The following ZNF385D variants were observed in gnomAD, a reference collection of about 807,000 sequenced individuals.
The protein encoded by ZNF385D is zinc finger protein 659.
A neutral mutation model predicts 35.8 loss-of-function variants in ZNF385D; 15 were observed. The observed-to-expected ratio is 0.42, with a 90% confidence interval of 0.28 to 0.64. The LOEUF is 0.64. Ranked by LOEUF, ZNF385D falls within the 30% of genes least tolerant of loss-of-function variation. The pLI, the probability that ZNF385D is intolerant of heterozygous loss-of-function variation, is 0.23. For missense variants in ZNF385D, 474 were observed against 494.6 expected, an observed-to-expected ratio of 0.96 and a Z score of 0.39; for synonymous variants, 212 against 186.8, an observed-to-expected ratio of 1.13 and a Z score of -1.10.
intron 1 of ZNF385D, among the ~76,000 whole-genome samples, chr3:21,733,036 G>A (rs894388760): frequency 2.0e-5 from 3 of 151,992 alleles, no homozygotes; most frequent in South Asian, 2.1e-4. Context: ...TTACATTTAT[G>A]TGTGTGATCC....
intron 1 of ZNF385D, among the ~76,000 whole-genome samples, chr3:21,726,516 C>A (rs189506348): frequency 7.9e-5 from 12 of 152,124 alleles, no homozygotes; most frequent in Non-Finnish European, 1.3e-4. Context: ...AAATCACAAG[C>A]GTTCCTGTAC....
chr3:21,420,177 T>G lies in ZNF385D; in HGVS notation c.*1037A>C. 6.6e-6 allele frequency: 1 copy of G among 152,166 alleles called. No homozygotes were observed. Among genetic ancestry groups the G allele is most frequent in the Non-Finnish European group, 1.5e-5 (1 of 68,014 alleles). The allele number at this position is 152,166 out of a possible 1,614,324, so 9.4% of individuals were successfully genotyped here. On this transcript the variant is annotated 3_prime_UTR_variant, in exon 8 of 8. Transcript: ENST00000281523. ...TACCATCATACTTAAAGCAGAAACC[T>G]TTGCCTAAGAAACAACCCTACTGGT...
intron 3 of ZNF385D, among the ~76,000 whole-genome samples, chr3:22,128,512 T>C (rs1168066011): frequency 1.3e-5 from 2 of 152,196 alleles, no homozygotes; most frequent in African/African-American, 4.8e-5. Context: ...ATAACTCTTA[T>C]GTTTGCACTT....
intron 3 of ZNF385D, among the ~76,000 whole-genome samples, chr3:22,041,952 G>A (rs967675175): frequency 6.6e-6 from 1 of 152,078 alleles, no homozygotes; most frequent in South Asian, 2.1e-4. Flanking sequence ...AATTATTGGT[G>A]GCTGAATTAA....
intron 3 of ZNF385D, among the ~76,000 whole-genome samples, chr3:22,024,606 A>T (rs1251769234): frequency 6.6e-6 from 1 of 152,202 alleles, no homozygotes; most frequent in Non-Finnish European, 1.5e-5. Flanking sequence ...TCATAATAGT[A>T]TCATTAACTT....
chr3:21,997,893 G>C (rs945899259), intron 3 of ZNF385D, among the ~76,000 whole-genome samples: 1 of 149,954 alleles, frequency 6.7e-6, no homozygotes, highest in Non-Finnish European at 1.5e-5. Flanking sequence ...GTGTGTGTGT[G>C]TGTGTGTGTG....
chr3:21,572,587 A>G (rs2063367156), intron 2 of ZNF385D, among the ~76,000 whole-genome samples: 1 of 152,158 alleles, frequency 6.6e-6, no homozygotes, highest in Non-Finnish European at 1.5e-5. Flanking sequence ...ATATAAAAAC[A>G]GAGTTTCCCC....
chr3:21,697,829 C>T (rs530973481), intron 1 of ZNF385D, among the ~76,000 whole-genome samples: 1 of 152,030 alleles, frequency 6.6e-6, no homozygotes, highest in Non-Finnish European at 1.5e-5. Flanking sequence ...TAAAAGCGAC[C>T]TGAAAACATA....
chr3:21,866,883 C>T (rs1200233078), intron 3 of ZNF385D, among the ~76,000 whole-genome samples: 2 of 152,046 alleles, frequency 1.3e-5, no homozygotes, highest in East Asian at 1.9e-4. Flanking sequence ...AAGATAGGTC[C>T]AAAAATTTCT....
At chr3:21,580,807 G>GTATA (rs71044926) in intron 2 of ZNF385D, among the ~76,000 whole-genome samples, 22 of 150,862 alleles carry the variant, frequency 1.5e-4, no homozygotes, top group African/African-American at 3.2e-4. Context: ...CTATGTGTGT[G>GTATA]TATATATATA....
intron 3 of ZNF385D, among the ~76,000 whole-genome samples, chr3:21,863,872 A>T: frequency 6.6e-6 from 1 of 152,144 alleles, no homozygotes; most frequent in South Asian, 2.1e-4. Flanking sequence ...AAATATGAAC[A>T]TAATGAGTTT....
At chr3:21,854,195 G>T (rs1211821535) in intron 3 of ZNF385D, among the ~76,000 whole-genome samples, 1 of 96,592 alleles carries the variant, frequency 1.0e-5, no homozygotes, top group Non-Finnish European at 2.4e-5. Flanking sequence ...TTCTCATCTT[G>T]GGCCGCTCCA....
chr3:22,046,536 T>G (rs1322657519), intron 3 of ZNF385D, among the ~76,000 whole-genome samples: 2 of 152,204 alleles, frequency 1.3e-5, no homozygotes, highest in East Asian at 1.9e-4. Context: ...GAGCTACCAC[T>G]GAAGAAAAGT....
At chr3:22,342,103 G>A (rs558479347) in intron 2 of ZNF385D, among the ~76,000 whole-genome samples, 39 of 151,806 alleles carry the variant, frequency 2.6e-4, no homozygotes, top group African/African-American at 9.4e-4. Flanking sequence ...GTGAAACCCC[G>A]TCTCTACTAA....
chr3:22,155,155 C>T (rs748419728), intron 3 of ZNF385D, among the ~76,000 whole-genome samples: 8 of 151,990 alleles, frequency 5.3e-5, no homozygotes, highest in Non-Finnish European at 8.8e-5. Context: ...ATAAAAATAT[C>T]ACGTGTACCC....
chr3:21,954,871 AAT>A (rs1702216350), intron 3 of ZNF385D, among the ~76,000 whole-genome samples: 1 of 152,086 alleles, frequency 6.6e-6, no homozygotes, highest in Non-Finnish European at 1.5e-5. Flanking sequence ...GCTTTACAAA[AAT>A]ATGACATAAT....
chr3:21,580,206 C>T (rs1185739117), intron 2 of ZNF385D, among the ~76,000 whole-genome samples: 3 of 152,132 alleles, frequency 2.0e-5, no homozygotes, highest in African/African-American at 4.8e-5. Flanking sequence ...CTGTTTCTTG[C>T]CTGCCCCTGT....
At chr3:22,261,226 T>A (rs1427064315) in intron 2 of ZNF385D, among the ~76,000 whole-genome samples, 1 of 151,790 alleles carries the variant, frequency 6.6e-6, no homozygotes, top group African/African-American at 2.4e-5. Context: ...AGACCAGACC[T>A]CGGGATATAT....
At chr3:22,354,573 TA>T (rs1696063579) in intron 2 of ZNF385D, among the ~76,000 whole-genome samples, 1 of 152,084 alleles carries the variant, frequency 6.6e-6, no homozygotes, top group African/African-American at 2.4e-5. Context: ...AAATAATGTA[TA>T]ATAAATTATA....
Sources: allele counts gnomAD v4.1 joint callset (sites outside exome capture counted in the v4.1 genomes callset), GRCh38; gene constraint gnomAD v4.1.1; transcripts MANE v1.5; gene names NCBI Gene and HGNC (gene_info 2026-07-23, HGNC 2026-07-21).